The following BSN variants were observed in gnomAD, a reference collection of about 807,000 sequenced individuals.
BSN encodes the protein bassoon presynaptic cytomatrix protein.
A neutral mutation model predicts 264.8 loss-of-function variants in BSN; 57 were observed. That is an observed-to-expected ratio of 0.22 (90% CI 0.17 to 0.27). The LOEUF is 0.27. Among genes scored for constraint, BSN ranks in the 10% least tolerant of loss-of-function variants. The probability of loss-of-function intolerance (pLI) is 1.00; values close to 1 mark genes in which losing one functional copy is unlikely to be tolerated. For missense variants in BSN, 4,615 were observed against 5,232.5 expected (o/e 0.88, Z 3.64); for synonymous variants, 2,059 against 2,137.3 (o/e 0.96, Z 1.01).
Position 49,653,879 on chromosome 3 carries a change from C to T in BSN, c.4323C>T (p.Gly1441=), listed in dbSNP as rs149350901. ...AGGATCTACCCCAGGCCCCCAGTGG[C>T]CTTGCTGCAGCTGGACGAGCTGCTA... The part of the protein sequence containing the change: ...QTEDLPQAPS[G]LAAAGRAARE... Residue 1441 remains glycine, a synonymous_variant, in exon 5 of 12, where the codon GGC becomes GGT. Transcript: ENST00000296452. The surrounding 1 kb of genome is among the most constrained non-coding windows in gnomAD (Gnocchi z 6.3). 1.7e-5 allele frequency: 27 copies of T among 1,613,974 alleles called. No individual in the cohort carries two copies. The highest frequency in any genetic ancestry group is 2.2e-5 in the Non-Finnish European group (26 of 1,179,988).
chr3:49,666,851 G>GCA (rs1195694781), intron 11 of BSN, among the ~76,000 whole-genome samples: 2 of 152,240 alleles, frequency 1.3e-5, no homozygotes, highest in Non-Finnish European at 2.9e-5. Flanking sequence ...AATTACAGTA[G>GCA]CCATAGTGCA....
intron 5 of BSN, among the ~76,000 whole-genome samples, chr3:49,659,200 C>G (rs2131104): frequency 0.53 from 80,083 of 151,524 alleles, 22,324 homozygotes; most frequent in East Asian, 0.95. Context: ...GTAGTGAAGT[C>G]TTGGTGTATG....
In BSN at chr3:49,656,298, G is replaced by GC. The variant is rs1335477411; in HGVS notation, c.6748dup (p.Arg2250ProfsTer17). 1.2e-6 allele frequency: 2 copies of GC among 1,613,150 alleles called. No homozygotes were observed. On this transcript the variant is annotated frameshift_variant, in exon 5 of 12. Transcript: ENST00000296452. LOFTEE classifies it high-confidence loss of function. ...CAGTCTGACACGTGTGCCCATGATT[G>GC]CCCCCCGGGTACCTCTTGGACCCAC... is the stretch of plus-strand genomic sequence containing the variant.
intron 1 of BSN, among the ~76,000 whole-genome samples, chr3:49,571,646 T>C (rs2051796293): frequency 6.6e-6 from 1 of 152,100 alleles, no homozygotes; most frequent in African/African-American, 2.4e-5. Context: ...CAGGGTATAG[T>C]AGGGAATGAG....
At chr3:49,590,421 G>GT in intron 1 of BSN, among the ~76,000 whole-genome samples, 1 of 151,728 alleles carries the variant, frequency 6.6e-6, no homozygotes. Context: ...TGGCATTTTG[G>GT]TTTTTTACTA....
At chr3:49,643,850 G>A (rs979240154) in intron 3 of BSN, among the ~76,000 whole-genome samples, 2 of 152,144 alleles carry the variant, frequency 1.3e-5, no homozygotes, top group African/African-American at 4.8e-5. Flanking sequence ...CATTCTCTCC[G>A]CAGCCCCTGC....
chr3:49,665,535 G>A (rs775416572), intron 11 of BSN, among the ~76,000 whole-genome samples: 1 of 152,234 alleles, frequency 6.6e-6, no homozygotes, highest in Non-Finnish European at 1.5e-5. Flanking sequence ...CCTTGGAGAA[G>A]AGCCCAGCAC....
chr3:49,635,959 C>A (rs148167147), intron 2 of BSN, among the ~76,000 whole-genome samples: 15 of 151,074 alleles, frequency 9.9e-5, no homozygotes, highest in East Asian at 9.7e-4. Flanking sequence ...AGAACCAGAC[C>A]CTGTCCCCCT....
intron 2 of BSN, chr3:49,640,615 CA>C (rs2108070657): frequency 6.6e-6 from 1 of 152,400 alleles, no homozygotes; most frequent in South Asian, 2.1e-4. Flanking sequence ...TCTCCTGCCT[CA>C]GCCTCCCAAG....
intron 1 of BSN, among the ~76,000 whole-genome samples, chr3:49,577,207 G>A (rs1459570150): frequency 6.6e-6 from 1 of 152,134 alleles, no homozygotes; most frequent in African/African-American, 2.4e-5. Flanking sequence ...TTTCCCTATG[G>A]CTTGTGAGAG....
rs770999730 is a variant in BSN at position 49,653,528 on chromosome 3, T to C, written c.3972T>C (p.Ser1324=). 6.2e-7 allele frequency: 1 copy of C among 1,613,914 alleles called. No homozygotes were observed. The highest frequency in any genetic ancestry group is 1.1e-5 in the South Asian group (1 of 91,074). Residue 1324 remains serine (S), a synonymous_variant, in exon 5 of 12, where the codon TCT becomes TCC. Transcript: ENST00000296452. This position sits in a 1 kb window ranked among gnomAD's most constrained non-coding sequence, Gnocchi z 6.3. ...AGCTCGCTGCCCCTGTGTCCTTCTC[T>C]ACCCCCACCTCCTCAGACAGCAGCG... The part of the protein sequence containing the change: ...PTQLAAPVSF[S]TPTSSDSSGG...
In BSN at chr3:49,652,258, C is replaced by G; in HGVS notation, c.2702C>G (p.Ala901Gly). 1 of 1,602,574 alleles carries G rather than the reference C, an allele frequency of 6.2e-7. No homozygotes were observed. The highest frequency in any genetic ancestry group is 8.5e-7 in the Non-Finnish European group (1 of 1,173,486). Residue 901 changes from alanine (A) to glycine (G), a missense_variant, in exon 5 of 12, where the codon GCC (alanine) becomes GGC (glycine). By Grantham distance (60) the Ala-to-Gly change is moderately conservative. Transcript: ENST00000296452. ...ALPKRRLPHN[A>G]TTGYEELLPE... The stretch of plus-strand genomic sequence containing the variant: ...CCCAAGAGGCGCCTGCCCCACAATG[C>G]CACCACGGGCTATGAGGAGCTGCTC...
intron 2 of BSN, among the ~76,000 whole-genome samples, chr3:49,637,460 A>G (rs991268814): frequency 1.3e-5 from 2 of 152,148 alleles, no homozygotes; most frequent in African/African-American, 2.4e-5. Flanking sequence ...TCTTCCCAGA[A>G]CTGCCCTCCT....
At chr3:49,659,197 AGTCTTGGT>A (rs1480931527) in intron 5 of BSN, among the ~76,000 whole-genome samples, 1 of 151,850 alleles carries the variant, frequency 6.6e-6, no homozygotes, top group Non-Finnish European at 1.5e-5. Context: ...TGGGTAGTGA[AGTCTTGGT>A]GTATGCAGGC....
At chr3:49,605,462 T>TATATATTATATATA (rs2052111306) in intron 1 of BSN, among the ~76,000 whole-genome samples, 1 of 9,102 alleles carries the variant, frequency 1.1e-4, no homozygotes, top group Admixed American at 2.7e-3. Context: ...TAATATATAT[T>TATATATTATATATA]ATATATAATA....
At chr3:49,593,281 G>A (rs1315458980) in intron 1 of BSN, among the ~76,000 whole-genome samples, 1 of 152,158 alleles carries the variant, frequency 6.6e-6, no homozygotes, top group Admixed American at 6.6e-5. Flanking sequence ...ATGTATCACA[G>A]TTTGTTCAAC....
At chr3:49,605,163 G>A (rs1187022881) in intron 1 of BSN, among the ~76,000 whole-genome samples, 6 of 146,102 alleles carry the variant, frequency 4.1e-5, no homozygotes, top group Non-Finnish European at 4.4e-5. Flanking sequence ...GGGAGGCTGA[G>A]GCAGGAGAAT....
At chr3:49,611,926 A>G (rs1009887373) in intron 1 of BSN, among the ~76,000 whole-genome samples, 3 of 151,554 alleles carry the variant, frequency 2.0e-5, no homozygotes, top group African/African-American at 7.3e-5. Flanking sequence ...CCCTCCCTCT[A>G]TTTCTCTTGG....
At chr3:49,664,386 C>T (rs1380469899) in intron 8 of BSN, 37 bp from the exon 9 acceptor site, 14 of 1,613,438 alleles carry the variant, frequency 8.7e-6, no homozygotes, top group East Asian at 2.2e-5. Flanking sequence ...AGAGCCAGGC[C>T]GTGCATAGCT....
Sources: gnomAD v4.1 joint callset for allele counts (sites outside exome capture counted in the v4.1 genomes callset) on GRCh38, gnomAD v4.1.1 for gene constraint, Gnocchi (gnomAD v3.1) non-coding constraint, MANE v1.5 for transcripts, NCBI Gene and HGNC (gene_info 2026-07-23, HGNC 2026-07-21) for gene names.